Variants in DDX60 observed in about 807,000 individuals in gnomAD.
DDX60 encodes DExD/H-box helicase 60, also known as probable ATP-dependent RNA helicase DDX60.
DDX60 carries 165 observed loss-of-function variants against 212.8 expected under a neutral mutation model. The ratio of observed to expected loss-of-function variants is 0.78; its 90% confidence interval spans 0.68 to 0.88. The LOEUF (loss-of-function observed/expected upper bound fraction) is 0.88. Among genes scored for constraint, DDX60 ranks in the 40% least tolerant of loss-of-function variants. The probability of loss-of-function intolerance (pLI) is 0.00; values close to 1 mark genes in which losing one functional copy is unlikely to be tolerated. For synonymous variants in DDX60, 703 were observed against 685.3 expected, an observed-to-expected ratio of 1.03 and a Z score of -0.40; for missense variants, 1,905 against 2,003.9, an observed-to-expected ratio of 0.95 and a Z score of 0.94.
rs1260411631 is a variant in DDX60 at position 168,267,905 on chromosome 4, C to A, written c.2865G>T (p.Val955=). The part of the protein sequence containing the change: ...IENNTASKRH[V]GRQAGFPKDY... ...CTTTGGGAAAGCCGGCCTGACGACC[C>A]ACATGTCTTTTAGAAGCGGTATTAT... The change falls in exon 21 of 38, where the codon GTG becomes GTT. Residue 955 remains valine (V), a synonymous_variant. Transcript: ENST00000393743. 6 of 1,613,382 alleles carry A rather than the reference C, an allele frequency of 3.7e-6. No individual in the cohort carries two copies. Among genetic ancestry groups the A allele is most frequent in the Admixed American group, 1.7e-5 (1 of 59,978 alleles).
Position 168,308,105 on chromosome 4 carries a change from T to C in DDX60, c.165A>G (p.Ser55=). ...SLLITCICEI[S]FKPGQNLHFF... ...AATGGAGGTTCTGCCCAGGCTTAAA[T>C]GATATCTCACAGATACATGTGATAA... Residue 55 remains serine, a synonymous_variant, in exon 4 of 38, where the codon TCA becomes TCG. Transcript: ENST00000393743. 27 of 1,611,210 alleles carry C rather than the reference T, an allele frequency of 1.7e-5. No homozygotes were observed. Among genetic ancestry groups the C allele is most frequent in the Non-Finnish European group, 2.3e-5 (27 of 1,178,428 alleles).
chr4:168,225,501 T>C, intron 34 of DDX60, 28 bp downstream of exon 34: 1 of 1,569,112 alleles, frequency 6.4e-7, no homozygotes, highest in Non-Finnish European at 8.6e-7. Context: ...CTTCAAATTG[T>C]TCCACAATGG....
intron 6 of DDX60, among the ~76,000 whole-genome samples, chr4:168,295,248 C>T (rs1430920742): frequency 2.0e-5 from 3 of 152,064 alleles, no homozygotes; most frequent in Non-Finnish European, 2.9e-5. Flanking sequence ...CCAAAGGAAC[C>T]GAAATTAGTA....
At chr4:168,293,475 A>C (rs1184847203) in intron 7 of DDX60, among the ~76,000 whole-genome samples, 1 of 152,182 alleles carries the variant, frequency 6.6e-6, no homozygotes, top group African/African-American at 2.4e-5. Context: ...GGCACAATGC[A>C]TACAAAAAGC....
At chr4:168,287,285 C>A in intron 9 of DDX60, 82 bp from the exon 10 acceptor site, 1 of 1,294,286 alleles carries the variant, frequency 7.7e-7, no homozygotes, top group Non-Finnish European at 1.1e-6. Context: ...TGAGTAAATT[C>A]ATGGAATTCT....
At chr4:168,222,695 A>C (rs1023756463) in intron 35 of DDX60, among the ~76,000 whole-genome samples, 7 of 152,154 alleles carry the variant, frequency 4.6e-5, no homozygotes, top group Non-Finnish European at 1.5e-5. Context: ...GCTACTTTTT[A>C]AATGAGTTGG....
At chr4:168,293,708 G>A (rs1736212333) in intron 7 of DDX60, 79 bp downstream of exon 7, 1 of 1,226,916 alleles carries the variant, frequency 8.2e-7, no homozygotes, top group Admixed American at 2.4e-5. Context: ...ACCAAATAGA[G>A]GAAATGAAAG....
At position 168,268,884 on chromosome 4, in the gene DDX60, G is replaced by A; in HGVS notation, c.2756C>T (p.Ala919Val). 1 of 1,593,496 alleles carries A rather than the reference G, an allele frequency of 6.3e-7. No homozygotes were observed. The highest frequency in any genetic ancestry group is 8.6e-7 in the Non-Finnish European group (1 of 1,167,444). ...MIRCPFLALS[A>V]TISNPEHLTE... Reference sequence around the variant, plus strand: ...GAGATGTTCAGGATTACTTATGGTAGCTGAAAGAGCCAAAAAGGGACATCG... The same window carrying A: ...GAGATGTTCAGGATTACTTATGGTAACTGAAAGAGCCAAAAAGGGACATCG... Residue 919 changes from alanine (A) to valine (V), a missense_variant, in exon 20 of 38, where the codon GCT becomes GTT. Coordinates refer to ENST00000393743, the MANE Select transcript of DDX60 (RefSeq NM_017631.6).
At position 168,287,079 on chromosome 4, in the gene DDX60, A is replaced by T. The variant is rs1320273646; in HGVS notation, c.1308T>A (p.Cys436Ter). The change falls in exon 10 of 38, where the codon TGT becomes TGA. Residue 436 changes from cysteine (C) to a stop codon, truncating the protein, a stop_gained. Transcript: ENST00000393743. LOFTEE classifies it high-confidence loss of function. The part of the protein sequence containing the change: ...QPFPLRTTKV[C>*]FLEKKPSPIK... ...TTGGTGATGGTTTCTTTTCAAGAAA[A>T]CAAACTTTTGTTGTTCTCAGAGGAA... 4 of 1,607,562 alleles carry T rather than the reference A, an allele frequency of 2.5e-6. No homozygotes were observed. Among genetic ancestry groups the T allele is most frequent in the Non-Finnish European group, 3.4e-6 (4 of 1,178,520 alleles).
chr4:168,280,617 A>G (rs1385416923), intron 13 of DDX60, 27 bp from the exon 14 acceptor site: 1 of 1,577,980 alleles, frequency 6.3e-7, no homozygotes, highest in East Asian at 2.2e-5. Flanking sequence ...AACATCTCTT[A>G]AGACAAGTTG....
intron 33 of DDX60, among the ~76,000 whole-genome samples, chr4:168,233,209 T>C (rs1291294819): frequency 6.6e-6 from 1 of 151,838 alleles, no homozygotes; most frequent in East Asian, 1.9e-4. Flanking sequence ...TCAAAAATAA[T>C]AGATGTTAGC....
chr4:168,270,569 T>G (rs1735046525), intron 19 of DDX60, among the ~76,000 whole-genome samples: 1 of 152,214 alleles, frequency 6.6e-6, no homozygotes, highest in Non-Finnish European at 1.5e-5. Flanking sequence ...AGTTTTGAGA[T>G]CAGATTTTAA....
At chr4:168,293,059 G>T (rs1339540111) in intron 7 of DDX60, among the ~76,000 whole-genome samples, 1 of 152,164 alleles carries the variant, frequency 6.6e-6, no homozygotes, top group African/African-American at 2.4e-5. Context: ...TAGGTAGATT[G>T]TATACAGAAT....
chr4:168,305,273 A>G (rs1736825612), intron 5 of DDX60, among the ~76,000 whole-genome samples: 1 of 152,224 alleles, frequency 6.6e-6, no homozygotes, highest in Admixed American at 6.5e-5. Context: ...CTTGGAATGT[A>G]TCCATGTGAT....
rs1736386703 is a variant in DDX60 at position 168,297,236 on chromosome 4, T to G, written c.724-3291A>C. On this transcript the variant is annotated intron_variant, in intron 6 of 37. Coordinates refer to ENST00000393743, the MANE Select transcript of DDX60 (RefSeq NM_017631.6). ...AAAATGATCTTTATTCAGCAACTGA[T>G]AAACCAAAAACAGGGCTGGAAAGAA... is the stretch of plus-strand genomic sequence containing the variant. Among the ~76,000 whole-genome samples the G allele has an allele frequency of 4.3e-5, 6 of 138,024 alleles. No homozygotes were observed. In the South Asian group the frequency reaches 1.4e-3, roughly 33 times the overall value. 90.5% of individuals were successfully genotyped at this position (138,024 alleles called of 152,430 possible).
upstream of DDX60, among the ~76,000 whole-genome samples, chr4:168,319,040 AAGAG>A (rs1737535235): frequency 6.6e-6 from 1 of 152,224 alleles, no homozygotes; most frequent in Non-Finnish European, 1.5e-5. Context: ...AAATAGCTAG[AAGAG>A]AGAATTTTGA....
At chr4:168,227,725 A>T (rs1275460389) in intron 33 of DDX60, among the ~76,000 whole-genome samples, 2 of 152,068 alleles carry the variant, frequency 1.3e-5, no homozygotes, top group African/African-American at 2.4e-5. Flanking sequence ...GTAAGCACTG[A>T]ATAAATTCCA....
At chr4:168,230,399 A>G (rs1222203275) in intron 33 of DDX60, among the ~76,000 whole-genome samples, 2 of 152,138 alleles carry the variant, frequency 1.3e-5, no homozygotes, top group Non-Finnish European at 2.9e-5. Context: ...CTACCCAACA[A>G]TTGAAGAATA....
intron 28 of DDX60, among the ~76,000 whole-genome samples, chr4:168,249,906 C>T (rs969066718): frequency 7.9e-5 from 12 of 152,076 alleles, no homozygotes; most frequent in Non-Finnish European, 1.2e-4. Context: ...CAGAAACAAT[C>T]TCAATCTCTT....
Sources: allele counts gnomAD v4.1 joint callset (sites outside exome capture counted in the v4.1 genomes callset), GRCh38; gene constraint gnomAD v4.1.1; transcripts MANE v1.5; gene names NCBI Gene and HGNC (gene_info 2026-07-23, HGNC 2026-07-21).